Variants in TRPC5OS observed in about 807,000 individuals in gnomAD.
TRPC5OS encodes TRPC5 opposite strand, also known as putative uncharacterized protein TRPC5OS.
For missense variants in TRPC5OS, 64 were observed against 79.3 expected (o/e 0.81, Z 0.73); for synonymous variants, 30 against 29.3 (o/e 1.02, Z -0.08).
At chrX:111,888,720 GAAAGA>G (rs1197355115) in intron 1 of TRPC5OS, among the ~76,000 whole-genome samples, 152 of 76,179 alleles carry the variant, frequency 2.0e-3, no homozygotes, top group Admixed American at 3.7e-3. Context: ...AAAAAAAAAA[GAAAGA>G]AAAGAAAAGA....
In TRPC5OS at chrX:111,902,041, C is replaced by T; in HGVS notation, c.192C>T (p.Leu64=). The change falls in exon 4 of 4, where the codon CTC becomes CTT. Residue 64 remains leucine, a synonymous_variant. Transcript: ENST00000635763. ...PLPEEPSLPD[L]PDLSDLDSIL... is the part of the protein sequence containing the mutation. Reference sequence around the variant, plus strand: ...CCGAGGAGCCTTCGCTACCTGATCTCCCTGATCTCTCAGACTTAGACTCAA... The same window carrying T: ...CCGAGGAGCCTTCGCTACCTGATCTTCCTGATCTCTCAGACTTAGACTCAA... The T allele has an allele frequency of 2.6e-6, 3 of 1,155,564 alleles. No individual in the cohort carries two copies. Among genetic ancestry groups the T allele is most frequent in the Non-Finnish European group, 3.4e-6 (3 of 872,677 alleles).
intron 1 of TRPC5OS, among the ~76,000 whole-genome samples, chrX:111,890,892 C>G (rs1237319726): frequency 9.0e-6 from 1 of 110,684 alleles, no homozygotes; most frequent in East Asian, 2.8e-4. Context: ...TCTGATAGGC[C>G]CCAGTGTGTG....
At chrX:111,876,845 TG>T (rs1240418180) in intron 1 of TRPC5OS, among the ~76,000 whole-genome samples, 1 of 111,833 alleles carries the variant, frequency 8.9e-6, no homozygotes, top group African/African-American at 3.2e-5. Flanking sequence ...TGTTTTGTTT[TG>T]ATTTTCCCTT....
chrX:111,881,657 A>C (rs1019986080), intron 1 of TRPC5OS, among the ~76,000 whole-genome samples: 1 of 110,746 alleles, frequency 9.0e-6, no homozygotes, highest in Non-Finnish European at 1.9e-5. Flanking sequence ...TATACTATAA[A>C]TACATCTGGT....
intron 1 of TRPC5OS, among the ~76,000 whole-genome samples, chrX:111,880,867 T>A (rs1440693131): frequency 8.9e-6 from 1 of 112,083 alleles, no homozygotes; most frequent in East Asian, 2.8e-4. Flanking sequence ...AACCAAGTAT[T>A]TCAGTATCTT....
At chrX:111,898,845 G>A (rs1925198807) in intron 3 of TRPC5OS, among the ~76,000 whole-genome samples, 1 of 110,098 alleles carries the variant, frequency 9.1e-6, no homozygotes, top group South Asian at 4.0e-4. Context: ...GTAGATATCA[G>A]AATGACACGA....
chrX:111,890,175 A>G (rs1924733873), intron 1 of TRPC5OS, among the ~76,000 whole-genome samples: 1 of 112,448 alleles, frequency 8.9e-6, no homozygotes, highest in Non-Finnish European at 1.9e-5. Flanking sequence ...ATTGTAAAAC[A>G]AACTATTTAC....
intron 1 of TRPC5OS, among the ~76,000 whole-genome samples, chrX:111,876,728 C>T (rs958790974): frequency 8.9e-6 from 1 of 111,754 alleles, no homozygotes; most frequent in African/African-American, 3.3e-5. Flanking sequence ...GCAATATTTA[C>T]TTTCCTTAAC....
intron 1 of TRPC5OS, among the ~76,000 whole-genome samples, chrX:111,891,604 G>A (rs893040475): frequency 9.0e-6 from 1 of 111,259 alleles, no homozygotes; most frequent in African/African-American, 3.3e-5. Context: ...GCAATGGTGC[G>A]ATCTCAGCTC....
intron 1 of TRPC5OS, among the ~76,000 whole-genome samples, chrX:111,886,495 C>A (rs143182863): frequency 9.0e-6 from 1 of 111,403 alleles, no homozygotes; most frequent in Non-Finnish European, 1.9e-5. Context: ...TGAATTGTTG[C>A]ATGCTGTTTC....
rs780166079 is a variant in TRPC5OS at position 111,903,788 on chromosome X, T to C, written c.*1603T>C. On this transcript the variant is annotated 3_prime_UTR_variant, in exon 4 of 4. Transcript: ENST00000635763. ...GATAGGCTGGTAGATGGCATTAGAT[T>C]AGGTAGTACAAGTTTTCATCCCTAT... The C allele has an allele frequency of 1.3e-4, 15 of 112,013 alleles. No individual in the cohort carries two copies. Among genetic ancestry groups the C allele is most frequent in the Non-Finnish European group, 2.6e-4 (14 of 53,174 alleles). The allele number at this position is 112,013 out of a possible 1,213,427, so 9.2% of individuals were successfully genotyped here.
intron 1 of TRPC5OS, among the ~76,000 whole-genome samples, chrX:111,891,985 G>A (rs1050755339): frequency 3.6e-5 from 4 of 112,224 alleles, no homozygotes; most frequent in Middle Eastern, 4.6e-3. Context: ...AAAAACAGAA[G>A]GGCCTTTCCT....
chrX:111,900,998 A>G (rs1244547675), intron 3 of TRPC5OS, among the ~76,000 whole-genome samples: 1 of 111,681 alleles, frequency 9.0e-6, no homozygotes, highest in Non-Finnish European at 1.9e-5. Context: ...ATGGCTTTAG[A>G]TAAAGTTGGA....
intron 1 of TRPC5OS, among the ~76,000 whole-genome samples, chrX:111,894,512 A>G (rs933985779): frequency 5.4e-5 from 6 of 111,718 alleles, no homozygotes; most frequent in Admixed American, 9.5e-5. Context: ...TCTTGTATCA[A>G]TTAAAAACTC....
intron 3 of TRPC5OS, among the ~76,000 whole-genome samples, chrX:111,896,710 G>C (rs1481993703): frequency 8.9e-6 from 1 of 111,736 alleles, no homozygotes; most frequent in Non-Finnish European, 1.9e-5. Flanking sequence ...TGAGATGTCA[G>C]CTCTGGCCCT....
intron 3 of TRPC5OS, among the ~76,000 whole-genome samples, chrX:111,897,998 A>G (rs1296861464): frequency 1.8e-5 from 2 of 110,565 alleles, no homozygotes; most frequent in African/African-American, 6.5e-5. Flanking sequence ...TACCAGTAGT[A>G]TAAATGTGTG....
intron 1 of TRPC5OS, among the ~76,000 whole-genome samples, chrX:111,891,432 T>A (rs1924798633): frequency 8.9e-6 from 1 of 112,558 alleles, no homozygotes. Flanking sequence ...ATTCTTGCTC[T>A]GCTACTAACC....
intron 1 of TRPC5OS, among the ~76,000 whole-genome samples, chrX:111,889,138 TA>T (rs1924680308): frequency 1.8e-5 from 2 of 111,878 alleles, no homozygotes; most frequent in African/African-American, 6.5e-5. Context: ...TTGCAGCCCA[TA>T]TGAGGTCACC....
At chrX:111,890,800 A>G (rs867376202) in intron 1 of TRPC5OS, among the ~76,000 whole-genome samples, 2 of 111,700 alleles carry the variant, frequency 1.8e-5, no homozygotes. Flanking sequence ...TTTGTTTTAC[A>G]GATTATTTTA....
Sources: allele counts gnomAD v4.1 joint callset (sites outside exome capture counted in the v4.1 genomes callset), GRCh38; gene constraint gnomAD v4.1.1; transcripts MANE v1.5; gene names NCBI Gene and HGNC (gene_info 2026-07-23, HGNC 2026-07-21).